The following FAM117B variants were observed in gnomAD, a reference collection of about 807,000 sequenced individuals.
The protein encoded by FAM117B is protein FAM117B.
In FAM117B, 22 loss-of-function variants were observed where a neutral mutation model predicts 52.8. The ratio of observed to expected loss-of-function variants is 0.42; its 90% CI spans 0.30 to 0.59. The LOEUF is 0.59. FAM117B is among the 20% of genes least tolerant of loss of function. The probability of loss-of-function intolerance (pLI) is 0.22; values close to 1 mark genes in which losing one functional copy is unlikely to be tolerated. For missense variants in FAM117B, 678 were observed against 802.6 expected (o/e 0.84, Z 1.88); for synonymous variants, 309 against 324.1 (o/e 0.95, Z 0.50).
At chr2:202,718,691 T>C (rs1265577196) in intron 2 of FAM117B, among the ~76,000 whole-genome samples, 2 of 152,170 alleles carry the variant, frequency 1.3e-5, no homozygotes, top group East Asian at 3.8e-4. Context: ...ATTTTGAAGA[T>C]GTACTCCAGG....
intron 1 of FAM117B, among the ~76,000 whole-genome samples, chr2:202,652,264 A>G (rs567082727): frequency 1.9e-4 from 29 of 151,832 alleles, no homozygotes; most frequent in Non-Finnish European, 4.0e-4. Flanking sequence ...TTGCCAGGCT[A>G]ATTTCTTTAT....
chr2:202,682,540 C>T (rs1182668858), intron 1 of FAM117B, among the ~76,000 whole-genome samples: 2 of 152,208 alleles, frequency 1.3e-5, no homozygotes, highest in African/African-American at 4.8e-5. Flanking sequence ...TTCCAGCGCC[C>T]ATACATCCCT....
At chr2:202,740,482 C>T (rs1335900975) in intron 4 of FAM117B, among the ~76,000 whole-genome samples, 1 of 151,408 alleles carries the variant, frequency 6.6e-6, no homozygotes, top group Non-Finnish European at 1.5e-5. Flanking sequence ...GGTTGCTTTG[C>T]ATTATTACTG....
At chr2:202,661,806 C>CT (rs1690131602) in intron 1 of FAM117B, among the ~76,000 whole-genome samples, 1 of 151,446 alleles carries the variant, frequency 6.6e-6, no homozygotes, top group Non-Finnish European at 1.5e-5. Context: ...ATCCCAGCTA[C>CT]TTGGGGGGCT....
In FAM117B at chr2:202,635,694, A is replaced by G. The variant is rs1292998948; in HGVS notation, c.507A>G (p.Pro169=). ...HLWTGEVSAA[P]PPARVRHRRR... is the part of the protein sequence containing the mutation. Reference sequence around the variant, plus strand: ...GGACCGGCGAGGTGAGCGCGGCCCCACCCCCAGCCCGCGTCCGGCATCGGA... The same window carrying G: ...GGACCGGCGAGGTGAGCGCGGCCCCGCCCCCAGCCCGCGTCCGGCATCGGA... The change falls in exon 1 of 8, where the codon CCA becomes CCG. Residue 169 remains proline, a synonymous_variant. Coordinates refer to ENST00000392238, the MANE Select transcript of FAM117B (RefSeq NM_173511.4). 1.4e-6 allele frequency: 2 copies of G among 1,413,982 alleles called. No individual in the cohort carries two copies. The highest frequency in any genetic ancestry group is 1.5e-5 in the African/African-American group (1 of 66,654). The allele number at this position is 1,413,982 out of a possible 1,614,324, so 87.6% of individuals were successfully genotyped here. A position where few individuals can be genotyped will look rare whatever the true frequency, so the allele number is the denominator to read the frequency against.
At chr2:202,690,000 T>C (rs1027617690) in intron 1 of FAM117B, among the ~76,000 whole-genome samples, 6 of 152,218 alleles carry the variant, frequency 3.9e-5, no homozygotes, top group Non-Finnish European at 8.8e-5. Flanking sequence ...CACTGGTTTA[T>C]CAAGGTCTGT....
At chr2:202,726,448 C>CA (rs1691246799) in intron 4 of FAM117B, 85 bp downstream of exon 4, 1 of 879,870 alleles carries the variant, frequency 1.1e-6, no homozygotes, top group Non-Finnish European at 1.8e-6. Flanking sequence ...TTGTTTAGGA[C>CA]AAAAATGCTC....
At chr2:202,745,001 G>T (rs1459294252) in intron 4 of FAM117B, among the ~76,000 whole-genome samples, 1 of 140,860 alleles carries the variant, frequency 7.1e-6, no homozygotes, top group Non-Finnish European at 1.5e-5. Context: ...AAAAAAAAAG[G>T]CTGGGCATGG....
At chr2:202,666,114 G>A (rs1164652708) in intron 1 of FAM117B, among the ~76,000 whole-genome samples, 3 of 152,212 alleles carry the variant, frequency 2.0e-5, no homozygotes, top group Admixed American at 2.0e-4. Context: ...TGTCTGCATA[G>A]TTTGCTTAAA....
chr2:202,759,007 C>G (rs1268903975), intron 6 of FAM117B, among the ~76,000 whole-genome samples: 5 of 152,150 alleles, frequency 3.3e-5, no homozygotes, highest in Admixed American at 6.5e-5. Context: ...GATCAGTGTT[C>G]ACTACTGAGG....
intron 1 of FAM117B, among the ~76,000 whole-genome samples, chr2:202,671,973 A>G (rs1690306680): frequency 6.6e-6 from 1 of 152,128 alleles, no homozygotes; most frequent in Non-Finnish European, 1.5e-5. Context: ...GGATGGGAAA[A>G]ATCATGGAGA....
At chr2:202,677,503 G>A (rs1052712131) in intron 1 of FAM117B, among the ~76,000 whole-genome samples, 1 of 152,174 alleles carries the variant, frequency 6.6e-6, no homozygotes, top group Non-Finnish European at 1.5e-5. Flanking sequence ...ATCATACTGT[G>A]TTATATATAC....
intron 4 of FAM117B, among the ~76,000 whole-genome samples, chr2:202,748,521 A>C (rs1351226805): frequency 6.6e-6 from 1 of 152,158 alleles, no homozygotes; most frequent in Non-Finnish European, 1.5e-5. Context: ...TTTGCAAACT[A>C]TTCATCCAAC....
intron 4 of FAM117B, among the ~76,000 whole-genome samples, chr2:202,749,802 A>G (rs1167170720): frequency 6.6e-6 from 1 of 152,128 alleles, no homozygotes. Context: ...AAAAAGAGTA[A>G]ACAATGAAGT....
Position 202,765,652 on chromosome 2 carries a change from C to G in FAM117B, c.1658C>G (p.Ala553Gly). 1 of 1,614,154 alleles carries G rather than the reference C, an allele frequency of 6.2e-7. No homozygotes were observed. The highest frequency in any genetic ancestry group is 8.5e-7 in the Non-Finnish European group (1 of 1,180,032). ...ACTCTGCTGCAGCCTATTGCTGTGG[C>G]CTCCCTGTCTACAAACACAGAGCAA... ...TTTLLQPIAVASLSTNTEQDR... is the reference protein window; with the variant it reads ...TTTLLQPIAVGSLSTNTEQDR... The change falls in exon 8 of 8, where the codon GCC (alanine) becomes GGC (glycine). Residue 553 changes from alanine to glycine, a missense_variant. Physicochemically the swap from Ala to Gly is moderately conservative, Grantham distance 60. Coordinates refer to ENST00000392238, the MANE Select transcript of FAM117B (RefSeq NM_173511.4).
intron 1 of FAM117B, among the ~76,000 whole-genome samples, chr2:202,666,623 C>A (rs1690207673): frequency 6.7e-6 from 1 of 150,034 alleles, no homozygotes; most frequent in Non-Finnish European, 1.5e-5. Context: ...ACTGTATTCA[C>A]TTCTGGTTTT....
At chr2:202,752,416 CTTT>C (rs57518801) in intron 4 of FAM117B, among the ~76,000 whole-genome samples, 1 of 136,720 alleles carries the variant, frequency 7.3e-6, no homozygotes. Flanking sequence ...TATGCTTTTT[CTTT>C]TTTTTTTTTT....
In FAM117B at chr2:202,768,464, G is replaced by A. The variant is rs1361681549; in HGVS notation, c.*2700G>A. On this transcript the variant is annotated 3_prime_UTR_variant, in exon 8 of 8. Transcript: ENST00000392238. ...GGGGTTTGGGAGAAATAGAGCTTGA[G>A]ATTTGAAAAAAAGGTACAAGGTACA... The A allele has an allele frequency of 6.6e-6, 1 of 152,206 alleles. No individual in the cohort carries two copies. Among genetic ancestry groups the A allele is most frequent in the African/African-American group, 2.4e-5 (1 of 41,368 alleles). 9.4% of individuals were successfully genotyped at this position (152,206 alleles called of 1,614,324 possible).
chr2:202,736,540 C>T (rs1691439241), intron 4 of FAM117B, among the ~76,000 whole-genome samples: 1 of 152,136 alleles, frequency 6.6e-6, no homozygotes, highest in Admixed American at 6.5e-5. Flanking sequence ...GTAGATGGAT[C>T]ACTTGAGCCC....
Sources: gnomAD v4.1 joint callset for allele counts (sites outside exome capture counted in the v4.1 genomes callset) on GRCh38, gnomAD v4.1.1 for gene constraint, MANE v1.5 for transcripts, NCBI Gene and HGNC (gene_info 2026-07-23, HGNC 2026-07-21) for gene names.